CPE: variants seen among roughly 807,000 people sequenced by gnomAD.
The protein encoded by CPE is carbocypeptidase E.
In CPE, 17 loss-of-function variants were observed where a neutral mutation model predicts 53.5. That is an observed-to-expected ratio of 0.32 (90% CI 0.22 to 0.48). The LOEUF (loss-of-function observed/expected upper bound fraction) is 0.48, where lower values mean the gene tolerates loss of function less well. Among genes scored for constraint, CPE ranks in the 20% least tolerant of loss-of-function variants. The pLI is 0.99. For missense variants in CPE, 524 were observed against 614.7 expected (o/e 0.85, Z 1.56); for synonymous variants, 226 against 228.8 (o/e 0.99, Z 0.11).
chr4:165,413,880 C>T (rs1731081634), intron 1 of CPE, among the ~76,000 whole-genome samples: 1 of 152,154 alleles, frequency 6.6e-6, no homozygotes, highest in Non-Finnish European at 1.5e-5. Flanking sequence ...GTCTTCTGAG[C>T]ATGGAGATAC....
At position 165,379,446 on chromosome 4, in the gene CPE, G is replaced by T; in HGVS notation, c.225G>T (p.Arg75Ser). Residue 75 changes from arginine to serine, a missense_variant, in exon 1 of 9, where the codon AGG (arginine) becomes AGT (serine). By Grantham distance (110) the Arg-to-Ser change is moderately radical. Coordinates refer to ENST00000402744, the MANE Select transcript of CPE (RefSeq NM_001873.4). The surrounding 1 kb of genome is among the most constrained non-coding windows in gnomAD (Gnocchi z 6.0). ...SVWLQCTAIS[R>S]IYTVGRSFEG... ...GGCTGCAGTGCACCGCCATCAGCAGGATTTACACGGTGGGGCGCAGCTTCG... is the reference window on the plus strand; with the variant it reads ...GGCTGCAGTGCACCGCCATCAGCAGTATTTACACGGTGGGGCGCAGCTTCG... 1.2e-6 allele frequency: 2 copies of T among 1,609,526 alleles called. No individual in the cohort carries two copies. Among genetic ancestry groups the T allele is most frequent in the South Asian group, 1.1e-5 (1 of 90,596 alleles).
intron 1 of CPE, among the ~76,000 whole-genome samples, chr4:165,418,759 G>A (rs1731163322): frequency 6.6e-6 from 1 of 152,182 alleles, no homozygotes; most frequent in Non-Finnish European, 1.5e-5. Context: ...CTGAAGGAAT[G>A]TACTAAACAT....
At chr4:165,493,416 C>T (rs1732643621) in intron 7 of CPE, 146 bp downstream of exon 7, 1 of 591,956 alleles carries the variant, frequency 1.7e-6, no homozygotes, top group East Asian at 3.3e-5. Flanking sequence ...GGTGAAGTTT[C>T]CTTTGTGGGC....
At chr4:165,446,709 T>C (rs1211745797) in intron 1 of CPE, among the ~76,000 whole-genome samples, 2 of 152,310 alleles carry the variant, frequency 1.3e-5, no homozygotes, top group East Asian at 3.9e-4. Context: ...TTAGAATGAG[T>C]AAACAAACCC....
chr4:165,423,075 A>G (rs886824875), intron 1 of CPE, among the ~76,000 whole-genome samples: 1 of 152,140 alleles, frequency 6.6e-6, no homozygotes, highest in Non-Finnish European at 1.5e-5. Flanking sequence ...ACAAACAAAC[A>G]TTCTTTTGAG....
At chr4:165,428,137 C>A (rs1350963904) in intron 1 of CPE, among the ~76,000 whole-genome samples, 1 of 152,188 alleles carries the variant, frequency 6.6e-6, no homozygotes, top group Non-Finnish European at 1.5e-5. Flanking sequence ...TCAAGACATC[C>A]TCCTGCCTTA....
intron 2 of CPE, among the ~76,000 whole-genome samples, chr4:165,466,286 C>T (rs1560890586): frequency 1.3e-5 from 2 of 152,108 alleles, no homozygotes; most frequent in African/African-American, 4.8e-5. Context: ...AGAAAAGGTA[C>T]AGTGAAAATA....
intron 1 of CPE, among the ~76,000 whole-genome samples, chr4:165,416,110 C>T (rs979623852): frequency 2.6e-5 from 4 of 152,206 alleles, no homozygotes; most frequent in African/African-American, 9.7e-5. Context: ...AGCTACTTCC[C>T]TACTCCTGCG....
chr4:165,406,063 C>T (rs1730948071), intron 1 of CPE: 4 of 758,832 alleles, frequency 5.3e-6, no homozygotes, highest in Non-Finnish European at 9.9e-6. Context: ...AGCAGCCTGG[C>T]TTTGGTGAGA....
intron 6 of CPE, 138 bp from the exon 7 acceptor site, chr4:165,493,033 C>A: frequency 1.8e-6 from 1 of 548,232 alleles, no homozygotes; most frequent in Non-Finnish European, 3.3e-6. Flanking sequence ...GCCTTTTGTG[C>A]ATGTCTTGAT....
intron 7 of CPE, 134 bp downstream of exon 7, chr4:165,493,404 C>G (rs1412644668): frequency 3.2e-6 from 2 of 632,698 alleles, no homozygotes; most frequent in African/African-American, 3.8e-5. Flanking sequence ...CAGCTTTGAT[C>G]TGGTGAAGTT....
chr4:165,420,911 A>G (rs1326815714), intron 1 of CPE, among the ~76,000 whole-genome samples: 1 of 152,126 alleles, frequency 6.6e-6, no homozygotes, highest in Non-Finnish European at 1.5e-5. Flanking sequence ...ACACATTTCT[A>G]CTTTCTGACA....
chr4:165,441,662 G>A (rs1731613108), intron 1 of CPE, among the ~76,000 whole-genome samples: 2 of 152,032 alleles, frequency 1.3e-5, no homozygotes, highest in African/African-American at 4.8e-5. Context: ...ATTTTCCTTT[G>A]GCTCTGAGTT....
chr4:165,468,107 AC>A (rs1420089769), intron 3 of CPE, among the ~76,000 whole-genome samples: 2 of 152,090 alleles, frequency 1.3e-5, no homozygotes, highest in Non-Finnish European at 2.9e-5. Flanking sequence ...TTAGAAAATC[AC>A]CATGGCCTTC....
chr4:165,424,172 A>G (rs1399838968), intron 1 of CPE, among the ~76,000 whole-genome samples: 2 of 151,898 alleles, frequency 1.3e-5, no homozygotes, highest in Non-Finnish European at 2.9e-5. Flanking sequence ...TTTTCAAATT[A>G]TGAAGTGGTC....
At chr4:165,482,801 C>T (rs1732438006) in intron 4 of CPE, among the ~76,000 whole-genome samples, 1 of 152,136 alleles carries the variant, frequency 6.6e-6, no homozygotes, top group Admixed American at 6.5e-5. Flanking sequence ...GCATTTGGAA[C>T]TGTTTCTGGT....
intron 1 of CPE, 31 bp from the exon 2 acceptor site, chr4:165,464,359 A>T: frequency 6.5e-7 from 1 of 1,535,056 alleles, no homozygotes; most frequent in Non-Finnish European, 8.8e-7. Context: ...TGTCATAGAA[A>T]ACATCTCCAT....
At chr4:165,406,830 T>C (rs1175772294) in intron 1 of CPE, among the ~76,000 whole-genome samples, 1 of 152,240 alleles carries the variant, frequency 6.6e-6, no homozygotes, top group Non-Finnish European at 1.5e-5. Flanking sequence ...TAGATTTGCT[T>C]ATTCTAGACA....
intron 6 of CPE, among the ~76,000 whole-genome samples, chr4:165,492,937 A>G (rs17046550): frequency 0.28 from 43,161 of 151,878 alleles, 9,130 homozygotes; most frequent in African/African-American, 0.6. Flanking sequence ...AGGTACTAAA[A>G]TCTTTTTTTT....
Sources: allele counts gnomAD v4.1 joint callset (sites outside exome capture counted in the v4.1 genomes callset), GRCh38; gene constraint gnomAD v4.1.1; non-coding constraint Gnocchi (gnomAD v3.1); transcripts MANE v1.5; gene names NCBI Gene and HGNC (gene_info 2026-07-23, HGNC 2026-07-21).